The following FARP1 variants were observed in gnomAD, a reference collection of about 807,000 sequenced individuals.
FARP1 encodes FERM, ARH/RhoGEF and pleckstrin domain protein 1, also known as FERM, ARHGEF and pleckstrin domain-containing protein 1.
Under a neutral mutation model 128.8 loss-of-function variants are expected in FARP1, and 52 were observed. The observed-to-expected ratio is 0.40, with a 90% CI of 0.32 to 0.51. The LOEUF is 0.51. Ranked by LOEUF, FARP1 falls within the 20% of genes least tolerant of loss-of-function variation. The probability of loss-of-function intolerance (pLI) is 0.45; values close to 1 mark genes in which losing one functional copy is unlikely to be tolerated. For missense variants in FARP1, 1,333 were observed against 1,367.9 expected (o/e 0.97, Z 0.40); for synonymous variants, 580 against 551.8 (o/e 1.05, Z -0.72).
chr13:98,190,264 C>A (rs1879134343), intron 1 of FARP1, among the ~76,000 whole-genome samples: 1 of 152,164 alleles, frequency 6.6e-6, no homozygotes, highest in South Asian at 2.1e-4. Context: ...ATGGTGCAAA[C>A]CTTTTACAAC....
At chr13:98,226,862 C>T (rs767409723) in intron 2 of FARP1, among the ~76,000 whole-genome samples, 67 of 152,126 alleles carry the variant, frequency 4.4e-4, no homozygotes, top group Admixed American at 3.5e-3. Flanking sequence ...CACCATTTCC[C>T]GGTGGATCAG....
rs749070555 is a variant in FARP1, at chr13:98,377,919, G to GT, written c.496+2dup. On this transcript the variant is annotated splice_donor_variant, in intron 6 of 26. Coordinates refer to ENST00000319562, the MANE Select transcript of FARP1 (RefSeq NM_005766.4). LOFTEE classifies it high-confidence loss of function. ...CTCTTGATTTCACACATTGTGCAATGTAAGTTCTATTGGTTTCCTTTGAAA... is the reference window on the plus strand; with the variant it reads ...CTCTTGATTTCACACATTGTGCAATGTTAAGTTCTATTGGTTTCCTTTGAAA... 6.3e-7 allele frequency: 1 copy of GT among 1,598,748 alleles called. No individual in the cohort carries two copies. Among genetic ancestry groups the GT allele is most frequent in the Non-Finnish European group, 8.6e-7 (1 of 1,166,042 alleles).
chr13:98,198,067 A>G (rs116805743), intron 1 of FARP1, among the ~76,000 whole-genome samples: 2,093 of 152,246 alleles, frequency 0.014, 48 homozygotes, highest in African/African-American at 0.047. Flanking sequence ...TTCCAGACAC[A>G]TTTTTATTTA....
At chr13:98,392,017 C>G (rs1056055301) in intron 11 of FARP1, among the ~76,000 whole-genome samples, 4 of 152,166 alleles carry the variant, frequency 2.6e-5, no homozygotes, top group Non-Finnish European at 4.4e-5. Context: ...CAGTTGGACA[C>G]ATTTGTTTCT....
At chr13:98,335,123 C>G (rs898199572) in intron 2 of FARP1, among the ~76,000 whole-genome samples, 2 of 152,246 alleles carry the variant, frequency 1.3e-5, no homozygotes, top group South Asian at 2.1e-4. Context: ...TATTCTCTGA[C>G]TTTCTACAGC....
In FARP1 at chr13:98,420,488, C is replaced by T. The variant is rs1339042821; in HGVS notation, c.1827-4084C>T. ...CGTTGTGGTGAACGAAGTTTTGATA[C>T]GAGGTCAGGAAGACTTGAAAATTCA... On this transcript the variant is annotated intron_variant, in intron 16 of 26. Coordinates refer to ENST00000319562, the MANE Select transcript of FARP1 (RefSeq NM_005766.4). Among the ~76,000 whole-genome samples the T allele has an allele frequency of 8.5e-5, 13 of 152,138 alleles. 1 individual carries two copies. The East Asian group carries it at 2.5e-3, about 29-fold the overall frequency.
At chr13:98,426,965 T>C (rs1364041725) in intron 17 of FARP1, among the ~76,000 whole-genome samples, 4 of 152,144 alleles carry the variant, frequency 2.6e-5, no homozygotes, top group Non-Finnish European at 2.9e-5. Flanking sequence ...TATTCTTCCG[T>C]CCACCCCTAA....
intron 2 of FARP1, among the ~76,000 whole-genome samples, chr13:98,288,858 T>C (rs1885318717): frequency 6.6e-6 from 1 of 152,232 alleles, no homozygotes. Context: ...CACTGCTTTT[T>C]TTCTATTACA....
At chr13:98,356,784 G>A (rs1390080029) in intron 3 of FARP1, among the ~76,000 whole-genome samples, 3 of 151,770 alleles carry the variant, frequency 2.0e-5, no homozygotes, top group African/African-American at 7.3e-5. Flanking sequence ...ATAGGTGCCC[G>A]CCACCACGCC....
chr13:98,356,551 A>T (rs1888650676), intron 3 of FARP1, among the ~76,000 whole-genome samples: 1 of 152,272 alleles, frequency 6.6e-6, no homozygotes, highest in South Asian at 2.1e-4. Flanking sequence ...TTAAGTGTAT[A>T]AATATTTAAG....
In FARP1 at chr13:98,219,296, A is replaced by G. The variant is rs148972034; in HGVS notation, c.171+5883A>G. ...GCTGGGCTTGTGCTCATTGGTAGCAACTGTGCCTTTATGGAAGTGTGTTCA... is the reference window on the plus strand; with the variant it reads ...GCTGGGCTTGTGCTCATTGGTAGCAGCTGTGCCTTTATGGAAGTGTGTTCA... On this transcript the variant is annotated intron_variant, in intron 2 of 26. Transcript: ENST00000319562. 2.0e-5 allele frequency among the ~76,000 whole-genome samples: 3 copies of G among 152,254 alleles called. No individual in the cohort carries two copies. The East Asian group carries it at 5.8e-4, about 29-fold the overall frequency.
At chr13:98,376,346 C>T (rs1325242725) in intron 5 of FARP1, among the ~76,000 whole-genome samples, 2 of 152,226 alleles carry the variant, frequency 1.3e-5, no homozygotes, top group East Asian at 3.9e-4. Flanking sequence ...TAATTTTTAG[C>T]TCCCAAAAAT....
chr13:98,287,613 C>A (rs992567192), intron 2 of FARP1, among the ~76,000 whole-genome samples: 2 of 151,828 alleles, frequency 1.3e-5, no homozygotes, highest in East Asian at 3.9e-4. Flanking sequence ...GATTGTTTGC[C>A]CCCTACCTGT....
intron 2 of FARP1, among the ~76,000 whole-genome samples, chr13:98,226,242 G>T (rs1395943095): frequency 2.0e-5 from 3 of 152,180 alleles, no homozygotes; most frequent in South Asian, 2.1e-4. Flanking sequence ...GCTCCTGGAG[G>T]TTTGCTGGTA....
At chr13:98,231,382 G>A (rs976285368) in intron 2 of FARP1, among the ~76,000 whole-genome samples, 6 of 151,934 alleles carry the variant, frequency 3.9e-5, no homozygotes, top group African/African-American at 1.2e-4. Context: ...GGCAGTGCAC[G>A]CTTTCCATGT....
intron 1 of FARP1, among the ~76,000 whole-genome samples, chr13:98,205,347 G>A (rs911278064): frequency 6.6e-5 from 10 of 151,730 alleles, no homozygotes; most frequent in Non-Finnish European, 1.0e-4. Context: ...TAGGGATACC[G>A]ATTGTGGGTA....
At chr13:98,409,580 G>A in intron 14 of FARP1, 55 bp downstream of exon 14, 1 of 1,450,848 alleles carries the variant, frequency 6.9e-7, no homozygotes. Flanking sequence ...GTGTGTTTGT[G>A]TGAATTTTAA....
At chr13:98,251,439 T>G (rs1883317678) in intron 2 of FARP1, among the ~76,000 whole-genome samples, 1 of 152,028 alleles carries the variant, frequency 6.6e-6, no homozygotes, top group East Asian at 1.9e-4. Context: ...TCCCAGCACT[T>G]TGGGAGGCTG....
chr13:98,435,940 T>G, intron 19 of FARP1: 1 of 600,222 alleles, frequency 1.7e-6, no homozygotes, highest in South Asian at 1.6e-5. Flanking sequence ...TACGGGGTGA[T>G]TCGCTTCTTT....
Sources: allele counts gnomAD v4.1 joint callset (sites outside exome capture counted in the v4.1 genomes callset), GRCh38; gene constraint gnomAD v4.1.1; transcripts MANE v1.5; gene names NCBI Gene and HGNC (gene_info 2026-07-23, HGNC 2026-07-21).